The following ZNF10 variants were observed in gnomAD, a reference collection of about 807,000 sequenced individuals.
ZNF10 encodes the protein zinc finger protein 10.
ZNF10 carries 8 observed loss-of-function variants against 12.2 expected under a neutral mutation model. That is an observed-to-expected ratio of 0.66 (90% CI 0.39 to 1.18). The LOEUF (loss-of-function observed/expected upper bound fraction) is 1.18, where lower values mean the gene tolerates loss of function less well. Among genes scored for constraint, ZNF10 ranks in the 50% most tolerant of loss-of-function variants. The pLI, the probability that ZNF10 is intolerant of heterozygous loss-of-function variation, is 0.01. For synonymous variants in ZNF10, 229 were observed against 228.2 expected (o/e 1.00, Z -0.03); for missense variants, 603 against 678.9 (o/e 0.89, Z 1.24).
rs1188274720 is a variant in ZNF10, at chr12:133,158,499, T to C, written c.*1531T>C. The C allele has an allele frequency of 2.0e-5, 3 of 152,246 alleles. No homozygotes were observed. The highest frequency in any genetic ancestry group is 4.4e-5 in the Non-Finnish European group (3 of 68,042). 9.4% of individuals were successfully genotyped at this position (152,246 alleles called of 1,614,324 possible). On this transcript the variant is annotated 3_prime_UTR_variant, in exon 5 of 5. Coordinates refer to ENST00000248211, the MANE Select transcript of ZNF10 (RefSeq NM_015394.5). Reference sequence around the variant, plus strand: ...ATGTTGTATACACATTTATTCTGTTTGTACAAAGGTTTTCCATTCTATGGA... The same window carrying C: ...ATGTTGTATACACATTTATTCTGTTCGTACAAAGGTTTTCCATTCTATGGA...
chr12:133,150,632 A>G (rs1956001738), intron 2 of ZNF10, among the ~76,000 whole-genome samples: 2 of 151,676 alleles, frequency 1.3e-5, no homozygotes. Flanking sequence ...ATTTTAGGTT[A>G]TAAAACATGG....
intron 2 of ZNF10, among the ~76,000 whole-genome samples, chr12:133,149,604 A>G (rs972899196): frequency 6.7e-6 from 1 of 149,848 alleles, no homozygotes; most frequent in Non-Finnish European, 1.5e-5. Flanking sequence ...TGATCCACCT[A>G]CCTCAGCCTT....
At chr12:133,145,030 G>A in intron 2 of ZNF10, 1 of 320,922 alleles carries the variant, frequency 3.1e-6, no homozygotes, top group African/African-American at 2.3e-5. Context: ...CTACAGGCGT[G>A]TGCCACTATG....
chr12:133,140,470 G>A (rs1217145122), intron 1 of ZNF10, among the ~76,000 whole-genome samples: 1 of 149,776 alleles, frequency 6.7e-6, no homozygotes, highest in African/African-American at 2.5e-5. Flanking sequence ...CACGTGTCAG[G>A]CACCATTCTA....
At chr12:133,138,932 C>G (rs1955928662) in intron 1 of ZNF10, among the ~76,000 whole-genome samples, 2 of 152,218 alleles carry the variant, frequency 1.3e-5, no homozygotes. Flanking sequence ...ACCTTGTACT[C>G]CTGTGATAAC....
chr12:133,159,334 T>TA lies in ZNF10; in HGVS notation c.*2370dup, dbSNP rs1431692755. 2 of 152,222 alleles carry TA rather than the reference T, an allele frequency of 1.3e-5. No individual in the cohort carries two copies. Among genetic ancestry groups the TA allele is most frequent in the Non-Finnish European group, 2.9e-5 (2 of 68,040 alleles). 9.4% of individuals were successfully genotyped at this position (152,222 alleles called of 1,614,324 possible). The stretch of plus-strand genomic sequence containing the variant: ...GTGTAATGGAAGATTATGCAGGCAT[T>TA]AAAATATGTACACAAAAAGTTTGGT... On this transcript the variant is annotated 3_prime_UTR_variant, in exon 5 of 5. Coordinates refer to ENST00000248211, the MANE Select transcript of ZNF10 (RefSeq NM_015394.5).
chr12:133,149,352 CTT>C (rs144304054), intron 2 of ZNF10, among the ~76,000 whole-genome samples: 13 of 85,794 alleles, frequency 1.5e-4, no homozygotes, highest in African/African-American at 4.4e-4. Context: ...TTTGCTATTG[CTT>C]TTTTTTTTTT....
In ZNF10 at chr12:133,140,596, G is replaced by T. The variant is rs535126643; in HGVS notation, c.-59-3838G>T. 6.6e-5 allele frequency among the ~76,000 whole-genome samples: 10 copies of T among 152,076 alleles called. No homozygotes were observed. The East Asian group carries it at 1.5e-3, about 23-fold the overall frequency. On this transcript the variant is annotated intron_variant, in intron 1 of 4. Coordinates refer to ENST00000248211, the MANE Select transcript of ZNF10 (RefSeq NM_015394.5). ...AATGTATTTTGTCTGTTTTGTTGTT[G>T]TTGGGGCAAGAGGTTAATTCTATTC...
At chr12:133,131,195 C>G (rs1177858580) in intron 1 of ZNF10, among the ~76,000 whole-genome samples, 2 of 129,076 alleles carry the variant, frequency 1.5e-5, no homozygotes, top group Middle Eastern at 3.6e-3. Flanking sequence ...ATCTCTAGCT[C>G]TTAGCTTCCT....
At chr12:133,144,943 C>T (rs771108676) in intron 2 of ZNF10, 4 of 426,542 alleles carry the variant, frequency 9.4e-6, no homozygotes, top group South Asian at 3.3e-5. Flanking sequence ...AGTCCAGTGG[C>T]GCGATCTCAG....
chr12:133,149,753 T>C (rs1955996878), intron 2 of ZNF10, among the ~76,000 whole-genome samples: 1 of 152,166 alleles, frequency 6.6e-6, no homozygotes, highest in African/African-American at 2.4e-5. Flanking sequence ...CAATTGGATT[T>C]AAGTGTGTTA....
Position 133,155,632 on chromosome 12 carries a change from T to G in ZNF10, c.386T>G (p.Val129Gly). Residue 129 changes from valine (V) to glycine (G), a missense_variant, in exon 5 of 5, where the codon GTC becomes GGC. This residue lies in a region of ZNF10 where 393 missense variants were observed against 399.7 expected (regional missense o/e 0.98). Coordinates refer to ENST00000248211, the MANE Select transcript of ZNF10 (RefSeq NM_015394.5). Reference sequence around the variant, plus strand: ...CTCTGGTATTTGTCATTAGAAGAAGTCTGGAAATGTAGAGACCAGTTAGAC... The same window carrying G: ...CTCTGGTATTTGTCATTAGAAGAAGGCTGGAAATGTAGAGACCAGTTAGAC... The part of the protein sequence containing the change: ...NDLWYLSLEE[V>G]WKCRDQLDKY... 6.2e-7 allele frequency: 1 copy of G among 1,613,962 alleles called. No homozygotes were observed. The highest frequency in any genetic ancestry group is 8.5e-7 in the Non-Finnish European group (1 of 1,179,962).
In ZNF10 at chr12:133,156,432, C is replaced by G. The variant is rs1956042092; in HGVS notation, c.1186C>G (p.Gln396Glu). 6.2e-6 allele frequency: 10 copies of G among 1,613,366 alleles called. No individual in the cohort carries two copies. Among genetic ancestry groups the G allele is most frequent in the Non-Finnish European group, 8.5e-6 (10 of 1,179,636 alleles). The change falls in exon 5 of 5, where the codon CAG becomes GAG. Residue 396 changes from glutamine (Q) to glutamate (E), a missense_variant. Transcript: ENST00000248211. ...FRQSTHLILH[Q>E]RTHVRVRPYE... is the part of the protein sequence containing the mutation. ...ACAGAGCACACATCTCATTCTGCAT[C>G]AGAGAACCCATGTGAGAGTGAGGCC...
chr12:133,155,905 G>T lies in ZNF10; in HGVS notation c.659G>T (p.Cys220Phe), dbSNP rs1178897320. Residue 220 changes from cysteine to phenylalanine, a missense_variant, in exon 5 of 5, where the codon TGT becomes TTT. This residue lies in a region of ZNF10 where 393 missense variants were observed against 399.7 expected (regional missense o/e 0.98). Coordinates refer to ENST00000248211, the MANE Select transcript of ZNF10 (RefSeq NM_015394.5). ...AGTAATGAATGTGGTCAAACTTTCTGTCAAAACATTCACCTTATTCAGTTT... is the reference window on the plus strand; with the variant it reads ...AGTAATGAATGTGGTCAAACTTTCTTTCAAAACATTCACCTTATTCAGTTT... The part of the protein sequence containing the change: ...SNSNECGQTF[C>F]QNIHLIQFAR... The T allele has an allele frequency of 6.2e-7, 1 of 1,613,878 alleles. No homozygotes were observed. Among genetic ancestry groups the T allele is most frequent in the South Asian group, 1.1e-5 (1 of 91,022 alleles).
intron 4 of ZNF10, among the ~76,000 whole-genome samples, chr12:133,154,123 G>GGC (rs923443972): frequency 1.8e-4 from 27 of 151,650 alleles, no homozygotes; most frequent in African/African-American, 6.1e-4. Flanking sequence ...TGTCGGCGGG[G>GGC]GGGATACAGT....
intron 1 of ZNF10, among the ~76,000 whole-genome samples, chr12:133,142,578 T>TA (rs1162146729): frequency 1.3e-5 from 2 of 152,126 alleles, no homozygotes; most frequent in Non-Finnish European, 2.9e-5. Flanking sequence ...TACACATGGC[T>TA]AGTAAGCACA....
rs763155423 is a variant in ZNF10, at chr12:133,158,749, A to G, written c.*1781A>G. On this transcript the variant is annotated 3_prime_UTR_variant, in exon 5 of 5. Coordinates refer to ENST00000248211, the MANE Select transcript of ZNF10 (RefSeq NM_015394.5). ...AACCAGAGATCTTGATCTCTCTCTGAGGAAAAAACCTAGAAATGATGGTTA... is the reference window on the plus strand; with the variant it reads ...AACCAGAGATCTTGATCTCTCTCTGGGGAAAAAACCTAGAAATGATGGTTA... The G allele has an allele frequency of 5.9e-5, 9 of 152,172 alleles. No individual in the cohort carries two copies. Among genetic ancestry groups the G allele is most frequent in the Non-Finnish European group, 8.8e-5 (6 of 68,032 alleles). The allele number at this position is 152,172 out of a possible 1,614,324, so 9.4% of individuals were successfully genotyped here.
Position 133,158,526 on chromosome 12 carries a change from A to T in ZNF10, c.*1558A>T, listed in dbSNP as rs1448394968. ...TACAAAGGTTTTCCATTCTATGGAG[A>T]GGATCCCAGTCTTCAGATTCTCTGG... On this transcript the variant is annotated 3_prime_UTR_variant, in exon 5 of 5. Transcript: ENST00000248211. 1.3e-5 allele frequency: 2 copies of T among 152,240 alleles called. No homozygotes were observed. The highest frequency in any genetic ancestry group is 2.9e-5 in the Non-Finnish European group (2 of 68,050). The allele number at this position is 152,240 out of a possible 1,614,324, so 9.4% of individuals were successfully genotyped here. A position where few individuals can be genotyped will look rare whatever the true frequency, so the allele number is the denominator to read the frequency against.
chr12:133,140,075 T>C (rs1955935297), intron 1 of ZNF10, among the ~76,000 whole-genome samples: 1 of 151,652 alleles, frequency 6.6e-6, no homozygotes. Context: ...TGATGGTATG[T>C]GCCTTTGGTC....
Sources: gnomAD v4.1 joint callset for allele counts (sites outside exome capture counted in the v4.1 genomes callset) on GRCh38, gnomAD v4.1.1 for gene constraint, gnomAD v4.1.1 regional missense constraint, MANE v1.5 for transcripts, NCBI Gene and HGNC (gene_info 2026-07-23, HGNC 2026-07-21) for gene names.